The following LRP1B variants were observed in gnomAD, a reference collection of about 807,000 sequenced individuals.
LRP1B encodes the protein LDL receptor related protein 1B, also known as low-density lipoprotein receptor-related protein 1B.
LRP1B carries 217 observed loss-of-function variants against 556.6 expected under a neutral mutation model. That is an observed-to-expected ratio of 0.39 (90% confidence interval 0.35 to 0.44). LRP1B has a LOEUF of 0.44. Ranked by LOEUF, LRP1B falls within the 20% of genes least tolerant of loss-of-function variation. The pLI is 1.00. For synonymous variants in LRP1B, 2,047 were observed against 1,865.8 expected (o/e 1.10, Z -2.50); for missense variants, 5,053 against 5,620.8 (o/e 0.90, Z 3.23).
At chr2:141,755,291 G>A (rs1298439930) in intron 2 of LRP1B, among the ~76,000 whole-genome samples, 2 of 151,998 alleles carry the variant, frequency 1.3e-5, no homozygotes, top group Non-Finnish European at 2.9e-5. Context: ...AATCCCTAAT[G>A]TACAATAGGT....
chr2:141,015,830 G>T lies in LRP1B; in HGVS notation c.2056C>A (p.Arg686=), dbSNP rs767797300. Residue 686 remains arginine, a synonymous_variant, in exon 13 of 91, where the codon CGG becomes AGG. Transcript: ENST00000389484. ...ATCTTTGAAGTCACAAAAATCTGCC[G>T]ATTGAATCCATCCATCCAGGCCTTC... is the stretch of plus-strand genomic sequence containing the variant. The part of the protein sequence containing the change: ...IEKAWMDGFN[R]QIFVTSKMLW... The T allele has an allele frequency of 3.1e-6, 5 of 1,613,376 alleles. No homozygotes were observed. The Admixed American group carries it at 6.7e-5, about 22-fold the overall frequency.
chr2:141,314,544 C>A (rs920812250), intron 3 of LRP1B, among the ~76,000 whole-genome samples: 1 of 151,916 alleles, frequency 6.6e-6, no homozygotes, highest in Non-Finnish European at 1.5e-5. Context: ...GTAATCCCAG[C>A]ACTCTGGGAG....
chr2:141,436,825 T>C (rs1378816629), intron 3 of LRP1B, among the ~76,000 whole-genome samples: 2 of 152,128 alleles, frequency 1.3e-5, no homozygotes, highest in African/African-American at 2.4e-5. Context: ...TGGCAGCATT[T>C]CATATTGAAT....
intron 67 of LRP1B, among the ~76,000 whole-genome samples, chr2:140,384,098 G>A (rs1426719166): frequency 2.0e-5 from 3 of 152,132 alleles, no homozygotes; most frequent in Non-Finnish European, 4.4e-5. Flanking sequence ...TATTATAGCA[G>A]TAGGCTAACT....
At chr2:140,464,856 T>C (rs1033905045) in intron 60 of LRP1B, among the ~76,000 whole-genome samples, 1 of 152,206 alleles carries the variant, frequency 6.6e-6, no homozygotes, top group Admixed American at 6.5e-5. Flanking sequence ...ATATCAAGTA[T>C]AGTTGTTTAC....
At chr2:141,853,535 T>A (rs186962146) in intron 1 of LRP1B, among the ~76,000 whole-genome samples, 2 of 151,978 alleles carry the variant, frequency 1.3e-5, no homozygotes, top group Admixed American at 1.3e-4. Context: ...GTTGTCTCGG[T>A]ATTGTTATGA....
chr2:140,534,270 A>T, intron 46 of LRP1B, 130 bp from the exon 47 acceptor site: 1 of 865,366 alleles, frequency 1.2e-6, no homozygotes, highest in Non-Finnish European at 1.7e-6. Context: ...TGTGCCATAT[A>T]ATAGCTCTGG....
intron 41 of LRP1B, among the ~76,000 whole-genome samples, chr2:140,647,276 A>C (rs999956286): frequency 1.3e-5 from 2 of 152,204 alleles, no homozygotes; most frequent in Admixed American, 1.3e-4. Flanking sequence ...TATACACAGG[A>C]GTTCTGCAAT....
chr2:141,806,325 T>C (rs1228237320), intron 2 of LRP1B, among the ~76,000 whole-genome samples: 1 of 152,072 alleles, frequency 6.6e-6, no homozygotes, highest in Admixed American at 6.6e-5. Context: ...TTGAAAGCTA[T>C]GAGTAGAAAG....
intron 3 of LRP1B, among the ~76,000 whole-genome samples, chr2:141,367,220 G>T (rs1197026027): frequency 8.6e-5 from 13 of 152,020 alleles, no homozygotes. Flanking sequence ...TAATTACACA[G>T]CTTGTTAGTA....
At chr2:141,583,387 C>T (rs1164329558) in intron 2 of LRP1B, among the ~76,000 whole-genome samples, 3 of 152,008 alleles carry the variant, frequency 2.0e-5, no homozygotes, top group Non-Finnish European at 4.4e-5. Flanking sequence ...TAAGATGGTA[C>T]TTGGGAAAAT....
At chr2:140,645,133 A>G (rs1248822638) in intron 41 of LRP1B, among the ~76,000 whole-genome samples, 2 of 152,068 alleles carry the variant, frequency 1.3e-5, no homozygotes, top group African/African-American at 4.8e-5. Context: ...TTTTCGGTCT[A>G]ATTTGGATTT....
intron 18 of LRP1B, among the ~76,000 whole-genome samples, chr2:140,974,032 C>G (rs1696516414): frequency 6.6e-6 from 1 of 152,210 alleles, no homozygotes; most frequent in East Asian, 1.9e-4. Context: ...GTGTGTTTAA[C>G]CTGTAAATCA....
intron 32 of LRP1B, among the ~76,000 whole-genome samples, chr2:140,805,861 G>A (rs1690695730): frequency 6.6e-6 from 1 of 152,100 alleles, no homozygotes; most frequent in African/African-American, 2.4e-5. Context: ...ACGTATGTGT[G>A]TGCATATATA....
chr2:140,530,998 A>G (rs2104984697), intron 47 of LRP1B, among the ~76,000 whole-genome samples: 1 of 152,276 alleles, frequency 6.6e-6, no homozygotes, highest in South Asian at 2.1e-4. Flanking sequence ...TATATTTTAG[A>G]AGACTTACTG....
At chr2:141,815,673 C>T (rs1696517970) in intron 1 of LRP1B, among the ~76,000 whole-genome samples, 1 of 152,138 alleles carries the variant, frequency 6.6e-6, no homozygotes, top group African/African-American at 2.4e-5. Context: ...AAAAACGGAA[C>T]ATGGGAGGGG....
chr2:141,087,788 C>A (rs78855870), intron 7 of LRP1B, among the ~76,000 whole-genome samples: 1 of 152,088 alleles, frequency 6.6e-6, no homozygotes, highest in South Asian at 2.1e-4. Flanking sequence ...GAGGTGTCTG[C>A]GAAATGCAGA....
chr2:141,109,667 A>G (rs1321785344), intron 7 of LRP1B, among the ~76,000 whole-genome samples: 1 of 8,066 alleles, frequency 1.2e-4, no homozygotes, highest in East Asian at 3.9e-3. Flanking sequence ...ACAACCTTGC[A>G]AAAAAAAAAA....
rs759386794 is a variant in LRP1B at position 140,274,446 on chromosome 2, C to A, written c.13120G>T (p.Asp4374Tyr). Residue 4374 changes from aspartate to tyrosine, a missense_variant, in exon 85 of 91, where the codon GAC becomes TAC. Physicochemically the swap from Asp to Tyr is radical, Grantham distance 160. This residue lies in a region of LRP1B where 551 missense variants were observed against 592.0 expected (regional missense o/e 0.93). Coordinates refer to ENST00000389484, the MANE Select transcript of LRP1B (RefSeq NM_018557.3). ...CHGGHCIINK[D>Y]SEDIFCNCTN... ...TACTTGCAAAATATATCTTCACTGT[C>A]TTTATTTATAATGCAGTGCCCCCCA... The A allele has an allele frequency of 6.2e-7, 1 of 1,612,354 alleles. No homozygotes were observed. Among genetic ancestry groups the A allele is most frequent in the Non-Finnish European group, 8.5e-7 (1 of 1,178,918 alleles).
Sources: gnomAD v4.1 joint callset for allele counts (sites outside exome capture counted in the v4.1 genomes callset) on GRCh38, gnomAD v4.1.1 for gene constraint, gnomAD v4.1.1 regional missense constraint, MANE v1.5 for transcripts, NCBI Gene and HGNC (gene_info 2026-07-23, HGNC 2026-07-21) for gene names.